DNAAF8: variants seen among roughly 807,000 people sequenced by gnomAD.
The protein encoded by DNAAF8 is dynein axonemal assembly factor 8.
Under a neutral mutation model 54.6 loss-of-function variants are expected in DNAAF8, and 61 were observed. That is an observed-to-expected ratio of 1.12 (90% CI 0.91 to 1.38). The LOEUF is 1.38. DNAAF8 is among the 40% of genes most tolerant of loss of function. DNAAF8 has a pLI of 0.00. For synonymous variants in DNAAF8, 320 were observed against 270.1 expected, an observed-to-expected ratio of 1.18 and a Z score of -1.81; for missense variants, 837 against 665.0, an observed-to-expected ratio of 1.26 and a Z score of -2.85.
chr16:4,740,708 C>A (rs754727046), intron 4 of DNAAF8, 49 bp downstream of exon 4: 9 of 1,513,872 alleles, frequency 5.9e-6, no homozygotes, highest in Middle Eastern at 2.2e-4. Context: ...TTACCTGTGG[C>A]ATGGCTGCTG....
In DNAAF8 at chr16:4,736,567, C is replaced by T. The variant is rs781229791; in HGVS notation, c.53C>T (p.Ser18Phe). ...CCCTCGCTGGGCTCTCCCTGGGCCT[C>T]CCAGATGGGGCCCTGGGATGCCATC... ...MAPSLGSPWA[S>F]QMGPWDAILK... Residue 18 changes from serine to phenylalanine, a missense_variant, in exon 2 of 10, where the codon TCC becomes TTC. Physicochemically the swap from Ser to Phe is radical, Grantham distance 155. Coordinates refer to ENST00000299320, the MANE Select transcript of DNAAF8 (RefSeq NM_139170.3). The T allele has an allele frequency of 1.3e-6, 2 of 1,590,496 alleles. No individual in the cohort carries two copies. Among genetic ancestry groups the T allele is most frequent in the Non-Finnish European group, 1.7e-6 (2 of 1,164,908 alleles).
intron 4 of DNAAF8, among the ~76,000 whole-genome samples, chr16:4,741,938 T>C (rs1358415780): frequency 6.6e-6 from 1 of 152,230 alleles, no homozygotes; most frequent in South Asian, 2.1e-4. Flanking sequence ...TGGATAATTT[T>C]TCTTAACAGG....
At chr16:4,747,929 G>A (rs997649353) in intron 9 of DNAAF8, among the ~76,000 whole-genome samples, 3 of 152,120 alleles carry the variant, frequency 2.0e-5, no homozygotes, top group African/African-American at 7.2e-5. Flanking sequence ...GCTCTCTGCG[G>A]GACTCTGAGG....
intron 7 of DNAAF8, 42 bp from the exon 8 acceptor site, chr16:4,746,885 G>C: frequency 6.7e-7 from 1 of 1,487,522 alleles, no homozygotes; most frequent in South Asian, 1.3e-5. Flanking sequence ...TGGAACACCA[G>C]GTGGAGTGGG....
In DNAAF8 at chr16:4,746,966, GGAA is replaced by G; in HGVS notation, c.1224_1226del (p.Glu409del). ...CCTCTGACAGTGAGGAGGAGGAGGA[GGAA>G]GAGATGGCAGCTCTGGGAGACGCAG... On this transcript the variant is annotated inframe_deletion, in exon 8 of 10. Transcript: ENST00000299320. 1.3e-6 allele frequency: 2 copies of G among 1,548,866 alleles called. No homozygotes were observed. Among genetic ancestry groups the G allele is most frequent in the African/African-American group, 1.4e-5 (1 of 71,816 alleles).
At chr16:4,735,417 T>G (rs1231668703) in intron 1 of DNAAF8, 1 of 152,084 alleles carries the variant, frequency 6.6e-6, no homozygotes, top group African/African-American at 2.4e-5. Flanking sequence ...CAGCCCCCAA[T>G]TCACATCTCC....
chr16:4,743,247 CACAG>C, intron 5 of DNAAF8, 87 bp downstream of exon 5: 1 of 958,884 alleles, frequency 1.0e-6, no homozygotes, highest in Non-Finnish European at 1.6e-6. Flanking sequence ...GCAGGCTGGT[CACAG>C]ACAGTCCTGC....
Position 4,744,934 on chromosome 16 carries a change from G to A in DNAAF8, c.966G>A (p.Gln322=). ...AGCTGGCCCTCCTGTGCACCACGCA[G>A]TCCAAGGCCTCTGCTTGTGCCCGGA... ...MEQLALLCTT[Q]SKASACARKV... is the part of the protein sequence containing the mutation. The change falls in exon 6 of 10, where the codon CAG becomes CAA. Residue 322 remains glutamine (Q), a synonymous_variant. Transcript: ENST00000299320. The A allele has an allele frequency of 6.2e-7, 1 of 1,613,944 alleles. No individual in the cohort carries two copies. Among genetic ancestry groups the A allele is most frequent in the African/African-American group, 1.3e-5 (1 of 75,062 alleles).
chr16:4,739,265 G>GGTTTTTTTTTTTTTTTGT (rs1555482695), intron 3 of DNAAF8, among the ~76,000 whole-genome samples: 1 of 69,030 alleles, frequency 1.4e-5, no homozygotes, highest in South Asian at 6.4e-4. Flanking sequence ...ATTTTTTCTT[G>GGTTTTTTTTTTTTTTTGT]TTTTTTTTTT....
intron 1 of DNAAF8, 91 bp from the exon 2 acceptor site, chr16:4,736,373 C>T (rs547452735): frequency 1.0e-6 from 1 of 975,948 alleles, no homozygotes; most frequent in South Asian, 3.2e-5. Context: ...GCCTGCCAGC[C>T]TGTTTGGTCT....
In DNAAF8 at chr16:4,747,413, C is replaced by A; in HGVS notation, c.1351C>A (p.Leu451Met). ...AFQKGTAQPELPASKGPAGGR... is the reference protein window; with the variant it reads ...AFQKGTAQPEMPASKGPAGGR... ...TCAGAAGGGGACAGCCCAGCCCGAG[C>A]TGCCTGCCAGCAAGGGGCCCGCGGG... The change falls in exon 9 of 10, where the codon CTG becomes ATG. Residue 451 changes from leucine (L) to methionine (M), a missense_variant. By Grantham distance (15) the Leu-to-Met change is conservative (BLOSUM62 2). Coordinates refer to ENST00000299320, the MANE Select transcript of DNAAF8 (RefSeq NM_139170.3). The A allele has an allele frequency of 6.2e-7, 1 of 1,612,806 alleles. No homozygotes were observed. Among genetic ancestry groups the A allele is most frequent in the Non-Finnish European group, 8.5e-7 (1 of 1,179,806 alleles).
chr16:4,745,112 A>C (rs1413319071), intron 6 of DNAAF8, 101 bp downstream of exon 6: 1 of 1,409,652 alleles, frequency 7.1e-7, no homozygotes, highest in Non-Finnish European at 9.7e-7. Flanking sequence ...CTCCATGTGC[A>C]TTTTCTCAGT....
At chr16:4,740,058 CA>C (rs111697257) in intron 3 of DNAAF8, 94 bp from the exon 4 acceptor site, 50,230 of 1,184,284 alleles carry the variant, frequency 0.042, 181 homozygotes, top group African/African-American at 0.12. Flanking sequence ...GACTTCACCT[CA>C]AAAAAAAAAA....
rs953970733 is a variant in DNAAF8 at position 4,736,430 on chromosome 16, C to T, written c.-51-34C>T. 2.9e-5 allele frequency: 40 copies of T among 1,363,312 alleles called. No homozygotes were observed. The Admixed American group carries it at 3.0e-4, about 10-fold the overall frequency. 84.5% of individuals were successfully genotyped at this position (1,363,312 alleles called of 1,614,324 possible). A position where few individuals can be genotyped will look rare whatever the true frequency, so the allele number is the denominator to read the frequency against. ...CCTGCTCTCCTGACCTTCAGTGGCC[C>T]GGACCCTCTTCCATCACCCTGTGTA... On this transcript the variant is annotated intron_variant, in intron 1 of 9. Transcript: ENST00000299320.
intron 1 of DNAAF8, among the ~76,000 whole-genome samples, chr16:4,736,199 A>G (rs1401812337): frequency 1.3e-5 from 2 of 152,130 alleles, no homozygotes; most frequent in African/African-American, 2.4e-5. Flanking sequence ...ATTTATATCA[A>G]TACATATATT....
chr16:4,737,373 G>T (rs560868751), intron 2 of DNAAF8, among the ~76,000 whole-genome samples: 1 of 152,278 alleles, frequency 6.6e-6, no homozygotes, highest in East Asian at 1.9e-4. Flanking sequence ...TCATTTGAGA[G>T]TATGAGCCCC....
chr16:4,739,265 G>GGTTTTTTTTTTTTTTTGTTTTTTTTTT (rs1555482695), intron 3 of DNAAF8, among the ~76,000 whole-genome samples: 1 of 69,030 alleles, frequency 1.4e-5, no homozygotes, highest in Non-Finnish European at 2.6e-5. Context: ...ATTTTTTCTT[G>GGTTTTTTTTTTTTTTTGTTTTTTTTTT]TTTTTTTTTT....
chr16:4,743,356 G>A, intron 5 of DNAAF8, 196 bp downstream of exon 5: 1 of 487,324 alleles, frequency 2.1e-6, no homozygotes, highest in Non-Finnish European at 3.6e-6. Context: ...GTGACCGCCT[G>A]CTACGTGCCA....
intron 1 of DNAAF8, 23 bp from the exon 2 acceptor site, chr16:4,736,441 C>G: frequency 6.5e-6 from 9 of 1,381,018 alleles, no homozygotes; most frequent in Non-Finnish European, 8.6e-6. Flanking sequence ...GGACCCTCTT[C>G]CATCACCCTG....
Sources: allele counts gnomAD v4.1 joint callset (sites outside exome capture counted in the v4.1 genomes callset), GRCh38; gene constraint gnomAD v4.1.1; transcripts MANE v1.5; gene names NCBI Gene and HGNC (gene_info 2026-07-23, HGNC 2026-07-21).